Variants in MRTFB observed in about 807,000 individuals in gnomAD.
MRTFB encodes the protein myocardin related transcription factor B, also known as myocardin-related transcription factor B.
A neutral mutation model predicts 104.2 loss-of-function variants in MRTFB; 29 were observed. That is an observed-to-expected ratio of 0.28 (90% confidence interval 0.21 to 0.38). The LOEUF is 0.38. Ranked by LOEUF, MRTFB falls within the 10% of genes least tolerant of loss-of-function variation. The pLI is 1.00. For missense variants in MRTFB, 1,270 were observed against 1,341.6 expected, an observed-to-expected ratio of 0.95 and a Z score of 0.83; for synonymous variants, 535 against 519.5, an observed-to-expected ratio of 1.03 and a Z score of -0.41.
chr16:14,212,714 G>A (rs1000406223), intron 5 of MRTFB, among the ~76,000 whole-genome samples: 3 of 152,136 alleles, frequency 2.0e-5, no homozygotes, highest in African/African-American at 4.8e-5. Context: ...AGGCATAAGA[G>A]GGGGTAATTC....
In MRTFB at chr16:14,183,476, A is replaced by C. The variant is rs115681496; in HGVS notation, c.155-26767A>C. 2.8e-3 allele frequency among the ~76,000 whole-genome samples: 421 copies of C among 152,266 alleles called. 1 individual carries two copies. Among genetic ancestry groups the C allele is most frequent in the African/African-American group, 9.4e-3 (391 of 41,560 alleles). On this transcript the variant is annotated intron_variant, in intron 3 of 16. Transcript: ENST00000571589. Reference sequence around the variant, plus strand: ...CAATTGGTGGAACTTGAATGCAGATATATCAATGTTAACTTGTTTCCTCTT... The same window carrying C: ...CAATTGGTGGAACTTGAATGCAGATCTATCAATGTTAACTTGTTTCCTCTT...
chr16:14,136,377 C>A (rs1339947061), intron 2 of MRTFB, among the ~76,000 whole-genome samples: 1 of 152,188 alleles, frequency 6.6e-6, no homozygotes, highest in African/African-American at 2.4e-5. Context: ...CCTTTGACCT[C>A]TCTTCCCACT....
chr16:14,247,644 AG>A lies in MRTFB; in HGVS notation c.2247+138del. ...CACGGAGAAAACGTATGCATGTGTG[AG>A]AGGGTTATTCAGAAATCTGAATATC... On this transcript the variant is annotated intron_variant, in intron 12 of 16. Coordinates refer to ENST00000571589, the MANE Select transcript of MRTFB (RefSeq NM_001308142.2). 1.5e-5 allele frequency: 11 copies of A among 730,398 alleles called. 1 individual carries two copies. The South Asian group carries it at 1.9e-4, about 13-fold the overall frequency. The allele number at this position is 730,398 out of a possible 1,614,324, so 45.2% of individuals were successfully genotyped here.
At chr16:14,187,200 G>A (rs1265963980) in intron 3 of MRTFB, among the ~76,000 whole-genome samples, 3 of 152,300 alleles carry the variant, frequency 2.0e-5, no homozygotes, top group African/African-American at 4.8e-5. Flanking sequence ...GTTCTGGGTA[G>A]CTGTTACTAA....
At position 14,247,091 on chromosome 16, in the gene MRTFB, C is replaced by A. The variant is rs1442945069; in HGVS notation, c.1831C>A (p.Gln611Lys). Reference protein sequence around the residue: ...QLEVEKRGQQQRPLEAQPSAP... With the variant: ...QLEVEKRGQQKRPLEAQPSAP... ...TGAGGTTGAAAAACGAGGGCAGCAGCAGCGGCCCCTGGAAGCCCAGCCCAG... is the reference window on the plus strand; with the variant it reads ...TGAGGTTGAAAAACGAGGGCAGCAGAAGCGGCCCCTGGAAGCCCAGCCCAG... Residue 611 changes from glutamine to lysine, a missense_variant, in exon 12 of 17, where the codon CAG (glutamine) becomes AAG (lysine). This residue lies in a region of MRTFB where 1,144 missense variants were observed against 1,131.5 expected (regional missense o/e 1.01). Transcript: ENST00000571589. The A allele has an allele frequency of 1.9e-6, 3 of 1,614,078 alleles. No individual in the cohort carries two copies. Among genetic ancestry groups the A allele is most frequent in the Non-Finnish European group, 2.5e-6 (3 of 1,180,054 alleles).
chr16:14,132,820 G>A (rs973821960), intron 2 of MRTFB, among the ~76,000 whole-genome samples: 6 of 152,154 alleles, frequency 3.9e-5, no homozygotes, highest in African/African-American at 1.4e-4. Context: ...ATGCTGAGTG[G>A]TTATGGCCAG....
chr16:14,005,484 A>T, the MRTFB span, among the ~76,000 whole-genome samples: 1 of 152,146 alleles, frequency 6.6e-6, no homozygotes, highest in Non-Finnish European at 1.5e-5. Flanking sequence ...CATCATCACT[A>T]GTTTCAAGGA....
chr16:14,162,259 G>C (rs1173713969), intron 3 of MRTFB, among the ~76,000 whole-genome samples: 2 of 151,910 alleles, frequency 1.3e-5, no homozygotes, highest in African/African-American at 4.8e-5. Context: ...ACTTGAGCCT[G>C]TGATGTCGAG....
the MRTFB span, among the ~76,000 whole-genome samples, chr16:14,030,682 C>T: frequency 2.0e-5 from 3 of 152,168 alleles, no homozygotes; most frequent in Non-Finnish European, 2.9e-5. Flanking sequence ...AGGAAACAAA[C>T]GCAGAAACTC....
At chr16:14,069,337 C>T (rs181902846), upstream of MRTFB, among the ~76,000 whole-genome samples, 11 of 151,216 alleles carry the variant, frequency 7.3e-5, 1 homozygote, top group East Asian at 1.9e-3. Flanking sequence ...CCTGTAGCCT[C>T]GAACTGAGAG....
chr16:14,017,095 T>C, the MRTFB span, among the ~76,000 whole-genome samples: 50 of 148,906 alleles, frequency 3.4e-4, no homozygotes, highest in African/African-American at 5.0e-4. Context: ...CTCGCTCTGT[T>C]GCCCAGGCTG....
intron 3 of MRTFB, among the ~76,000 whole-genome samples, chr16:14,169,302 CCTT>C (rs1471866074): frequency 1.3e-5 from 2 of 152,172 alleles, no homozygotes; most frequent in African/African-American, 4.8e-5. Context: ...CCATGCTTCT[CCTT>C]CTTATGTTCT....
At chr16:14,254,647 C>G (rs144475891) in intron 15 of MRTFB, among the ~76,000 whole-genome samples, 2,975 of 152,342 alleles carry the variant, frequency 0.02, 113 homozygotes, top group African/African-American at 0.068. Context: ...ATTGGAACAT[C>G]TACCCAAGAA....
intron 10 of MRTFB, among the ~76,000 whole-genome samples, chr16:14,242,610 G>A (rs375413704): frequency 3.3e-5 from 5 of 152,244 alleles, no homozygotes; most frequent in East Asian, 1.9e-4. Context: ...AGGAGCAAGC[G>A]CCCAAAGGGA....
At chr16:14,072,027 A>G (rs2033733679) in intron 1 of MRTFB, among the ~76,000 whole-genome samples, 2 of 152,138 alleles carry the variant, frequency 1.3e-5, no homozygotes, top group Admixed American at 1.3e-4. Context: ...AGGTGGGCTG[A>G]GAGCAGCGGG....
At chr16:14,181,966 A>G (rs1429068515) in intron 3 of MRTFB, among the ~76,000 whole-genome samples, 3 of 152,212 alleles carry the variant, frequency 2.0e-5, no homozygotes, top group Non-Finnish European at 4.4e-5. Context: ...TTCAGTGTGC[A>G]TACACACAAA....
chr16:14,006,705 C>G, the MRTFB span, among the ~76,000 whole-genome samples: 3 of 147,154 alleles, frequency 2.0e-5, 1 homozygote, highest in South Asian at 6.3e-4. Context: ...TATCCATATG[C>G]AACTTTTTTT....
intron 3 of MRTFB, among the ~76,000 whole-genome samples, chr16:14,171,656 A>C (rs1393788656): frequency 1.3e-5 from 2 of 152,182 alleles, no homozygotes; most frequent in African/African-American, 4.8e-5. Flanking sequence ...CCACTCTCTG[A>C]CAGTGAGAAC....
intron 8 of MRTFB, among the ~76,000 whole-genome samples, chr16:14,224,250 T>G (rs1463051369): frequency 6.6e-6 from 1 of 152,108 alleles, no homozygotes; most frequent in Non-Finnish European, 1.5e-5. Flanking sequence ...ACATGAGATT[T>G]GGTCATGATT....
Sources: gnomAD v4.1 joint callset for allele counts (sites outside exome capture counted in the v4.1 genomes callset) on GRCh38, gnomAD v4.1.1 for gene constraint, gnomAD v4.1.1 regional missense constraint, MANE v1.5 for transcripts, NCBI Gene and HGNC (gene_info 2026-07-23, HGNC 2026-07-21) for gene names.